Variants in DDX60L observed in about 807,000 individuals in gnomAD.
DDX60L encodes DExD/H-box 60 like.
In DDX60L, 191 loss-of-function variants were observed where a neutral mutation model predicts 211.6. The ratio of observed to expected loss-of-function variants is 0.90; its 90% CI spans 0.80 to 1.02. The LOEUF is 1.02. DDX60L is among the 50% of genes least tolerant of loss of function. The probability of loss-of-function intolerance (pLI) is 0.00; values close to 1 mark genes in which losing one functional copy is unlikely to be tolerated. For missense variants in DDX60L, 2,007 were observed against 1,984.1 expected, an observed-to-expected ratio of 1.01 and a Z score of -0.22; for synonymous variants, 706 against 694.1, an observed-to-expected ratio of 1.02 and a Z score of -0.27.
intron 17 of DDX60L, among the ~76,000 whole-genome samples, chr4:168,421,379 G>T (rs933972114): frequency 1.3e-5 from 2 of 152,092 alleles, no homozygotes; most frequent in Non-Finnish European, 2.9e-5. Flanking sequence ...TAGTTTCTTG[G>T]CCGGGCACGG....
At chr4:168,423,859 T>A in intron 14 of DDX60L, 85 bp from the exon 15 acceptor site, 1 of 838,080 alleles carries the variant, frequency 1.2e-6, no homozygotes, top group Non-Finnish European at 1.8e-6. Flanking sequence ...GTTAATCAAT[T>A]AACCTCATGT....
At chr4:168,417,823 C>T (rs765859928) in intron 19 of DDX60L, among the ~76,000 whole-genome samples, 11 of 152,138 alleles carry the variant, frequency 7.2e-5, no homozygotes, top group Non-Finnish European at 1.6e-4. Flanking sequence ...CAGAATACAT[C>T]GTGACAATTG....
chr4:168,403,189 T>G (rs2149785877), intron 25 of DDX60L, among the ~76,000 whole-genome samples: 1 of 152,358 alleles, frequency 6.6e-6, no homozygotes, highest in South Asian at 2.1e-4. Context: ...ACTTCAGTCA[T>G]ACTACTCTTT....
intron 1 of DDX60L, among the ~76,000 whole-genome samples, chr4:168,479,322 G>A (rs1760066745): frequency 6.6e-6 from 1 of 152,210 alleles, no homozygotes; most frequent in African/African-American, 2.4e-5. Flanking sequence ...CTCAGCACCT[G>A]AGTTCCACCA....
At chr4:168,421,396 A>C (rs962215301) in intron 17 of DDX60L, among the ~76,000 whole-genome samples, 2 of 152,246 alleles carry the variant, frequency 1.3e-5, no homozygotes, top group Non-Finnish European at 2.9e-5. Flanking sequence ...ACGGTGGCTC[A>C]CGCCTGTAAT....
intron 29 of DDX60L, among the ~76,000 whole-genome samples, chr4:168,388,049 C>G (rs547633379): frequency 1.9e-4 from 29 of 152,306 alleles, no homozygotes; most frequent in African/African-American, 7.0e-4. Context: ...GCACATTGTA[C>G]AGAAGAAATC....
chr4:168,378,387 G>A lies in DDX60L; in HGVS notation c.4452C>T (p.Phe1484=). 1 of 1,492,138 alleles carries A rather than the reference G, an allele frequency of 6.7e-7. No homozygotes were observed. Among genetic ancestry groups the A allele is most frequent in the African/African-American group, 1.4e-5 (1 of 72,546 alleles). 92.4% of individuals were successfully genotyped at this position (1,492,138 alleles called of 1,614,324 possible). ...GAGAAAAACTTAAATTAGCATTTTG[G>A]AATTTTGCTGGAATATATTTTCTTC... ...LFGRKYIPAK[F]QNANLSFSQS... The change falls in exon 33 of 38, where the codon TTC becomes TTT. Residue 1484 remains phenylalanine, a synonymous_variant. Coordinates refer to ENST00000682922, the MANE Select transcript of DDX60L (RefSeq NM_001012967.3).
Position 168,439,166 on chromosome 4 carries a change from T to A in DDX60L, c.1294+2171A>T, listed in dbSNP as rs140001797. Among the ~76,000 whole-genome samples the A allele has an allele frequency of 4.3e-3, 658 of 152,246 alleles. 2 individuals carry two copies. Among genetic ancestry groups the A allele is most frequent in the African/African-American group, 0.015 (636 of 41,548 alleles). On this transcript the variant is annotated intron_variant, in intron 10 of 37. Transcript: ENST00000682922. ...ATATGGGTGCTCAGATGACAAGAGG[T>A]AGACTGAAATGGTCAGTTTTAGATG... is the stretch of plus-strand genomic sequence containing the variant.
intron 9 of DDX60L, among the ~76,000 whole-genome samples, chr4:168,445,400 C>A (rs961600990): frequency 1.3e-4 from 19 of 150,376 alleles, no homozygotes; most frequent in African/African-American, 1.9e-4. Context: ...GCTTACCAAC[C>A]AAAAAGAGTC....
At position 168,391,576 on chromosome 4, in the gene DDX60L, T is replaced by C; in HGVS notation, c.3879A>G (p.Gln1293=). 1 of 1,609,814 alleles carries C rather than the reference T, an allele frequency of 6.2e-7. No homozygotes were observed. The highest frequency in any genetic ancestry group is 8.5e-7 in the Non-Finnish European group (1 of 1,177,700). The change falls in exon 29 of 38, where the codon CAA becomes CAG. Residue 1293 remains glutamine (Q), a synonymous_variant. Transcript: ENST00000682922. Reference sequence around the variant, plus strand: ...TTAAAGCATCCAGATAGACTGAGTCTTGGGCAAAAACAACAGATTTGCATG... The same window carrying C: ...TTAAAGCATCCAGATAGACTGAGTCCTGGGCAAAAACAACAGATTTGCATG... ...HMPCKSVVFA[Q]DSVYLDALNY...
chr4:168,447,151 C>T (rs967175461), intron 9 of DDX60L, among the ~76,000 whole-genome samples: 1 of 143,454 alleles, frequency 7.0e-6, no homozygotes, highest in South Asian at 2.3e-4. Flanking sequence ...GGGCTAATAT[C>T]CAGAATCTAC....
intron 8 of DDX60L, among the ~76,000 whole-genome samples, chr4:168,450,439 T>C (rs1755649775): frequency 6.7e-6 from 1 of 150,134 alleles, no homozygotes; most frequent in Admixed American, 6.7e-5. Context: ...CAGGGGAGAC[T>C]GAATTGAATA....
intron 10 of DDX60L, among the ~76,000 whole-genome samples, chr4:168,439,463 C>T (rs1171860621): frequency 2.0e-5 from 3 of 152,206 alleles, no homozygotes; most frequent in South Asian, 2.1e-4. Flanking sequence ...TTAAGACCTG[C>T]CCTATAAATT....
intron 14 of DDX60L, among the ~76,000 whole-genome samples, chr4:168,425,540 T>C (rs1561047134): frequency 1.3e-5 from 2 of 152,194 alleles, no homozygotes; most frequent in Admixed American, 6.5e-5. Context: ...GGCGGATAGA[T>C]CACCTGAGGT....
chr4:168,395,743 A>G, intron 27 of DDX60L: 1 of 434,236 alleles, frequency 2.3e-6, no homozygotes, highest in Non-Finnish European at 4.0e-6. Context: ...GAAATAAAAT[A>G]AGAGGCTGAC....
chr4:168,367,796 G>A (rs989336361), intron 36 of DDX60L, among the ~76,000 whole-genome samples: 1 of 152,180 alleles, frequency 6.6e-6, no homozygotes, highest in Non-Finnish European at 1.5e-5. Flanking sequence ...GGGAACTGGA[G>A]CAAAGGTAGC....
Position 168,453,154 on chromosome 4 carries a change from C to A in DDX60L, c.966G>T (p.Trp322Cys). The change falls in exon 8 of 38, where the codon TGG becomes TGT. Residue 322 changes from tryptophan to cysteine, a missense_variant. By Grantham distance (215) the Trp-to-Cys change is radical. Transcript: ENST00000682922. Reference protein sequence around the residue: ...RACSRVITCSWIRNSDSFLKM... With the variant: ...RACSRVITCSCIRNSDSFLKM... ...TTAAGAAAGAATCACTGTTCCTAAT[C>A]CAAGAGCATGTGATGACTCGAGAAC... is the stretch of plus-strand genomic sequence containing the variant. The A allele has an allele frequency of 6.2e-7, 1 of 1,612,030 alleles. No homozygotes were observed. Among genetic ancestry groups the A allele is most frequent in the South Asian group, 1.1e-5 (1 of 90,712 alleles).
rs1229244614 is a variant in DDX60L at position 168,456,115 on chromosome 4, G to C, written c.761C>G (p.Ser254Ter). 5 of 1,593,380 alleles carry C rather than the reference G, an allele frequency of 3.1e-6. No homozygotes were observed. In the African/African-American group the frequency reaches 6.8e-5, roughly 22 times the overall value. Residue 254 changes from serine (S) to a stop codon, truncating the protein, a stop_gained, in exon 7 of 38, where the codon TCA becomes TGA. Coordinates refer to ENST00000682922, the MANE Select transcript of DDX60L (RefSeq NM_001012967.3). LOFTEE classifies it high-confidence loss of function. ...QTLFLLQHLW[S>*]EGSDIQRVLC... ...AACACGCTGGATGTCCGATCCTTCT[G>C]ACCATAGGTGCTGAAGCAGAAATAG...
intron 19 of DDX60L, among the ~76,000 whole-genome samples, chr4:168,418,098 G>A (rs1407030774): frequency 5.9e-5 from 9 of 152,084 alleles, no homozygotes; most frequent in East Asian, 3.9e-4. Context: ...ATGGAGTTTC[G>A]TTATTGTTGC....
Sources: gnomAD v4.1 joint callset for allele counts (sites outside exome capture counted in the v4.1 genomes callset) on GRCh38, gnomAD v4.1.1 for gene constraint, MANE v1.5 for transcripts, NCBI Gene and HGNC (gene_info 2026-07-23, HGNC 2026-07-21) for gene names.